GRB10: variants seen among roughly 807,000 people sequenced by gnomAD.
The protein encoded by GRB10 is growth factor receptor-bound protein 10.
GRB10 carries 20 observed loss-of-function variants against 80.9 expected under a neutral mutation model. The ratio of observed to expected loss-of-function variants is 0.25; its 90% CI spans 0.17 to 0.36. GRB10 has a LOEUF of 0.36. Ranked by LOEUF, GRB10 falls within the 10% of genes least tolerant of loss-of-function variation. The pLI, the probability that GRB10 is intolerant of heterozygous loss-of-function variation, is 1.00. For missense variants in GRB10, 548 were observed against 747.7 expected, an observed-to-expected ratio of 0.73 and a Z score of 3.12; for synonymous variants, 291 against 291.5, an observed-to-expected ratio of 1.00 and a Z score of 0.02.
intron 7 of GRB10, among the ~76,000 whole-genome samples, chr7:50,638,435 T>C (rs912721150): frequency 6.6e-6 from 1 of 152,008 alleles, no homozygotes; most frequent in African/African-American, 2.4e-5. Flanking sequence ...GCAAAGAACA[T>C]GAACAGACAT....
At chr7:50,597,162 A>G (rs1401042234) in intron 17 of GRB10, among the ~76,000 whole-genome samples, 1 of 152,258 alleles carries the variant, frequency 6.6e-6, no homozygotes, top group Non-Finnish European at 1.5e-5. Context: ...GTGAATATTC[A>G]TGGTAACTGC....
At position 50,604,254 on chromosome 7, in the gene GRB10, G is replaced by T. The variant is rs2048121177; in HGVS notation, c.1456+57C>A. 14 of 1,434,736 alleles carry T rather than the reference G, an allele frequency of 9.8e-6. 1 individual carries two copies. The South Asian group carries it at 1.6e-4, about 16-fold the overall frequency. 88.9% of individuals were successfully genotyped at this position (1,434,736 alleles called of 1,614,324 possible). ...TCGTAAGGCTGAGGGGGAGTGGAGGGGGGTGCTGTTTGATTTTCTTTATGT... is the reference window on the plus strand; with the variant it reads ...TCGTAAGGCTGAGGGGGAGTGGAGGTGGGTGCTGTTTGATTTTCTTTATGT... On this transcript the variant is annotated intron_variant, in intron 16 of 18. Coordinates refer to ENST00000401949, the MANE Select transcript of GRB10 (RefSeq NM_001350814.2).
At chr7:50,612,916 C>T in intron 12 of GRB10, 77 bp from the exon 13 acceptor site, 1 of 921,072 alleles carries the variant, frequency 1.1e-6, no homozygotes, top group Non-Finnish European at 1.8e-6. Flanking sequence ...AGGGCTGCAT[C>T]TGACACAAAC....
At chr7:50,663,657 A>G (rs2059504622) in intron 7 of GRB10, among the ~76,000 whole-genome samples, 1 of 152,238 alleles carries the variant, frequency 6.6e-6, no homozygotes. Context: ...CACAAGCAGC[A>G]GTGGCTGCAG....
At chr7:50,614,742 G>A (rs567433158) in intron 12 of GRB10, 28 bp downstream of exon 12, 77 of 1,427,180 alleles carry the variant, frequency 5.4e-5, no homozygotes, top group East Asian at 1.1e-4. Flanking sequence ...CTGAGCATGC[G>A]CGCCGTCTGT....
rs550730668 is a variant in GRB10, at chr7:50,648,450, G to A, written c.504+21272C>T. Reference sequence around the variant, plus strand: ...GGAGCATTAGGAAACCAAGGAAAATGATAATCTTCTGAAAGCAGTAATTTT... The same window carrying A: ...GGAGCATTAGGAAACCAAGGAAAATAATAATCTTCTGAAAGCAGTAATTTT... On this transcript the variant is annotated intron_variant, in intron 7 of 18. Coordinates refer to ENST00000401949, the MANE Select transcript of GRB10 (RefSeq NM_001350814.2). Among the ~76,000 whole-genome samples, 10 of 152,330 alleles carry A rather than the reference G, an allele frequency of 6.6e-5. No individual in the cohort carries two copies. The South Asian group carries it at 1.9e-3, about 28-fold the overall frequency.
chr7:50,666,158 G>T (rs1209631236), intron 7 of GRB10, among the ~76,000 whole-genome samples: 1 of 152,190 alleles, frequency 6.6e-6, no homozygotes, highest in Non-Finnish European at 1.5e-5. Flanking sequence ...TTTGGCACAT[G>T]CCTGCCACGT....
rs1399222575 is a variant in GRB10, at chr7:50,681,948, A to C, written c.140-7290T>G. Among the ~76,000 whole-genome samples, 9 of 152,272 alleles carry C rather than the reference A, an allele frequency of 5.9e-5. No individual in the cohort carries two copies. The East Asian group carries it at 1.7e-3, about 29-fold the overall frequency. On this transcript the variant is annotated intron_variant, in intron 5 of 18. Transcript: ENST00000401949. ...TGGGTGTGTCAGTGCTGAGCAGAGG[A>C]GTCTCTGAGCCCCGGGTTGATGAAT...
chr7:50,703,865 C>T lies in GRB10; in HGVS notation c.95G>A (p.Gly32Glu). 6.2e-7 allele frequency: 1 copy of T among 1,613,524 alleles called. No homozygotes were observed. The highest frequency in any genetic ancestry group is 1.3e-5 in the African/African-American group (1 of 75,018). Residue 32 changes from glycine to glutamate, a missense_variant, in exon 5 of 19, where the codon GGA (glycine) becomes GAA (glutamate). Physicochemically the swap from Gly to Glu is moderately conservative, Grantham distance 98 (BLOSUM62 -2). Around this residue, in one of 4 missense-constraint regions of GRB10, gnomAD observed 245 missense variants for 229.3 expected, o/e 1.07. Transcript: ENST00000401949. The stretch of plus-strand genomic sequence containing the variant: ...GTCAGACTGTGCGGGGAGTCCTGGT[C>T]CTGCCGGGTCTTGTTGACTGCGAGG... ...QTPRSQQDPA[G>E]PGLPAQSDRL...
rs1046325290 is a variant in GRB10, at chr7:50,676,346, G to A, written c.140-1688C>T. Among the ~76,000 whole-genome samples, 166 of 150,960 alleles carry A rather than the reference G, an allele frequency of 1.1e-3. 5 individuals are homozygous for A. Among genetic ancestry groups the A allele is most frequent in the African/African-American group, 3.9e-3 (162 of 41,314 alleles). ...AGTGTCCACCCCACCGGGGGGGGGGGGGGGTTGTAAGGACTAGGTTAGTTA... is the reference window on the plus strand; with the variant it reads ...AGTGTCCACCCCACCGGGGGGGGGGAGGGGTTGTAAGGACTAGGTTAGTTA... On this transcript the variant is annotated intron_variant, in intron 5 of 18. Coordinates refer to ENST00000401949, the MANE Select transcript of GRB10 (RefSeq NM_001350814.2).
chr7:50,651,704 T>C (rs138845166), intron 7 of GRB10, among the ~76,000 whole-genome samples: 6 of 152,364 alleles, frequency 3.9e-5, no homozygotes, highest in African/African-American at 1.4e-4. Flanking sequence ...AATTAAACAA[T>C]GATGCCACTT....
intron 1 of GRB10, among the ~76,000 whole-genome samples, chr7:50,789,915 A>T (rs1342578157): frequency 6.6e-6 from 1 of 152,226 alleles, no homozygotes; most frequent in African/African-American, 2.4e-5. Context: ...TTATTAAAGA[A>T]GAGCCATCAG....
intron 7 of GRB10, among the ~76,000 whole-genome samples, chr7:50,656,641 C>A (rs1586457703): frequency 6.6e-6 from 1 of 152,228 alleles, no homozygotes; most frequent in Non-Finnish European, 1.5e-5. Context: ...TGCTGACCAC[C>A]TGGGACACAG....
chr7:50,594,044 G>C (rs1434860151), intron 18 of GRB10, among the ~76,000 whole-genome samples: 1 of 150,988 alleles, frequency 6.6e-6, no homozygotes, highest in Non-Finnish European at 1.5e-5. Flanking sequence ...TTTATATTTT[G>C]AGCTAAAAGA....
intron 4 of GRB10, among the ~76,000 whole-genome samples, chr7:50,708,485 A>T (rs1035072588): frequency 6.6e-6 from 1 of 152,184 alleles, no homozygotes; most frequent in African/African-American, 2.4e-5. Context: ...TCTACCCACC[A>T]TTCAGAGGCA....
At chr7:50,713,240 A>G (rs991212496) in intron 4 of GRB10, among the ~76,000 whole-genome samples, 3 of 151,956 alleles carry the variant, frequency 2.0e-5, no homozygotes, top group Admixed American at 6.5e-5. Flanking sequence ...CTCAGCTGCT[A>G]TTTTTACTAC....
chr7:50,763,441 G>A (rs933875347), intron 2 of GRB10, among the ~76,000 whole-genome samples: 6 of 152,216 alleles, frequency 3.9e-5, no homozygotes, highest in African/African-American at 1.4e-4. Flanking sequence ...ACAGGCATGG[G>A]GAGGCCCGCT....
At chr7:50,723,395 C>T (rs2068064616) in intron 4 of GRB10, among the ~76,000 whole-genome samples, 1 of 152,196 alleles carries the variant, frequency 6.6e-6, no homozygotes, top group Non-Finnish European at 1.5e-5. Flanking sequence ...AAAGAAACTG[C>T]CAATCATTTC....
At chr7:50,634,028 AAAT>A (rs2054493735) in intron 7 of GRB10, among the ~76,000 whole-genome samples, 1 of 152,242 alleles carries the variant, frequency 6.6e-6, no homozygotes, top group Admixed American at 6.5e-5. Flanking sequence ...CAGATACAAG[AAAT>A]TCAGAGAACC....
Sources: gnomAD v4.1 joint callset for allele counts (sites outside exome capture counted in the v4.1 genomes callset) on GRCh38, gnomAD v4.1.1 for gene constraint, gnomAD v4.1.1 regional missense constraint, MANE v1.5 for transcripts, NCBI Gene and HGNC (gene_info 2026-07-23, HGNC 2026-07-21) for gene names.